NFIA: variants seen among roughly 807,000 people sequenced by gnomAD.
NFIA encodes the protein nuclear factor I A, also known as nuclear factor 1 A-type.
Under a neutral mutation model 62.8 loss-of-function variants are expected in NFIA, and 8 were observed. The ratio of observed to expected loss-of-function variants is 0.13; its 90% confidence interval spans 0.07 to 0.23. The LOEUF (loss-of-function observed/expected upper bound fraction) is 0.23. NFIA is among the 10% of genes least tolerant of loss of function. The probability of loss-of-function intolerance (pLI) is 1.00; values close to 1 mark genes in which losing one functional copy is unlikely to be tolerated. For synonymous variants in NFIA, 235 were observed against 238.1 expected (o/e 0.99, Z 0.12); for missense variants, 410 against 642.1 (o/e 0.64, Z 3.91).
intron 2 of NFIA, among the ~76,000 whole-genome samples, chr1:61,260,085 G>A (rs578216992): frequency 6.6e-6 from 1 of 152,200 alleles, no homozygotes; most frequent in Non-Finnish European, 1.5e-5. Flanking sequence ...TTGAACTAGT[G>A]AATGTGTTCA....
At chr1:61,414,044 G>T (rs375531188) in intron 9 of NFIA, among the ~76,000 whole-genome samples, 3 of 150,778 alleles carry the variant, frequency 2.0e-5, no homozygotes, top group South Asian at 2.1e-4. Context: ...GTGCAGTGGC[G>T]CAATCTCAGC....
intron 2 of NFIA, among the ~76,000 whole-genome samples, chr1:61,158,651 T>C (rs1264663722): frequency 6.6e-6 from 1 of 152,216 alleles, no homozygotes; most frequent in Admixed American, 6.5e-5. Context: ...GGAAAAATCG[T>C]GCATACATGT....
chr1:61,405,470 A>C (rs1665771060), intron 8 of NFIA, among the ~76,000 whole-genome samples: 2 of 152,208 alleles, frequency 1.3e-5, no homozygotes, highest in Admixed American at 1.3e-4. Context: ...TGGGGGAGTG[A>C]GACTGCCTCT....
At chr1:61,120,087 A>G (rs528235553) in intron 2 of NFIA, among the ~76,000 whole-genome samples, 3 of 152,226 alleles carry the variant, frequency 2.0e-5, no homozygotes, top group Admixed American at 6.5e-5. Flanking sequence ...CTTGAATTTT[A>G]TGGTTTCTGT....
intron 2 of NFIA, among the ~76,000 whole-genome samples, chr1:61,247,554 G>A (rs1326344115): frequency 6.6e-6 from 1 of 152,118 alleles, no homozygotes; most frequent in Non-Finnish European, 1.5e-5. Flanking sequence ...CGGTCCATTG[G>A]GGGTGTGCTG....
chr1:61,141,689 A>G (rs909303602), intron 2 of NFIA, among the ~76,000 whole-genome samples: 2 of 152,142 alleles, frequency 1.3e-5, no homozygotes, highest in African/African-American at 4.8e-5. Flanking sequence ...ATGACCCTAA[A>G]TCCCTTCTAT....
chr1:61,382,218 G>A (rs1354633217), intron 6 of NFIA, among the ~76,000 whole-genome samples: 1 of 152,014 alleles, frequency 6.6e-6, no homozygotes, highest in African/African-American at 2.4e-5. Flanking sequence ...CAAACTGATA[G>A]ATGCCTCCAG....
intron 2 of NFIA, among the ~76,000 whole-genome samples, chr1:61,161,650 A>C (rs1649216030): frequency 6.6e-6 from 1 of 151,652 alleles, no homozygotes; most frequent in Non-Finnish European, 1.5e-5. Flanking sequence ...CAACGGTTTG[A>C]CTTTATGATG....
intron 9 of NFIA, among the ~76,000 whole-genome samples, chr1:61,419,610 T>A (rs1203559883): frequency 6.6e-6 from 1 of 152,160 alleles, no homozygotes; most frequent in East Asian, 1.9e-4. Context: ...CTTTCTATAC[T>A]TTTTACCCCA....
chr1:61,331,651 T>C (rs1661304618), intron 3 of NFIA, among the ~76,000 whole-genome samples: 2 of 152,210 alleles, frequency 1.3e-5, no homozygotes, highest in Non-Finnish European at 2.9e-5. Flanking sequence ...AACTAGACTC[T>C]ACCTGTGTGA....
intron 2 of NFIA, among the ~76,000 whole-genome samples, chr1:61,101,832 T>C (rs1185340917): frequency 1.3e-5 from 2 of 152,208 alleles, no homozygotes; most frequent in Admixed American, 1.3e-4. Context: ...TAAGGGGTCT[T>C]ATAAGTGTGA....
chr1:61,434,333 T>C lies in NFIA; in HGVS notation c.1512+7777T>C, dbSNP rs552300602. 1.3e-5 allele frequency among the ~76,000 whole-genome samples: 2 copies of C among 152,260 alleles called. 1 individual carries two copies. The highest frequency in any genetic ancestry group is 1.3e-4 in the Admixed American group (2 of 15,288). ...TCGCAGAGATGAGTTACTCATGCAATCTGCTTCCCCTCCCTCCATACTACT... is the reference window on the plus strand; with the variant it reads ...TCGCAGAGATGAGTTACTCATGCAACCTGCTTCCCCTCCCTCCATACTACT... On this transcript the variant is annotated intron_variant, in intron 10 of 10. Coordinates refer to ENST00000403491, the MANE Select transcript of NFIA (RefSeq NM_001134673.4).
chr1:61,341,060 CTTTT>C lies in NFIA; in HGVS notation c.700+8492_700+8495del, dbSNP rs35203949. 1.2e-3 allele frequency among the ~76,000 whole-genome samples: 132 copies of C among 108,786 alleles called. 1 individual carries two copies. Among genetic ancestry groups the C allele is most frequent in the African/African-American group, 4.5e-3 (123 of 27,618 alleles). The allele number at this position is 108,786 out of a possible 152,430, so 71.4% of individuals were successfully genotyped here. The stretch of plus-strand genomic sequence containing the variant: ...CACCTGGGTCATCTGTACCGGCATT[CTTTT>C]TTTTTTTTTTTTTTTTTGAGATGGA... On this transcript the variant is annotated intron_variant, in intron 4 of 10. Transcript: ENST00000403491.
At chr1:61,393,032 A>G (rs1320668946) in intron 7 of NFIA, among the ~76,000 whole-genome samples, 1 of 146,180 alleles carries the variant, frequency 6.8e-6, no homozygotes, top group Non-Finnish European at 1.5e-5. Flanking sequence ...TTTCTTAGAA[A>G]CCCCCTCATT....
intron 2 of NFIA, among the ~76,000 whole-genome samples, chr1:61,265,769 G>A (rs1231032426): frequency 6.6e-6 from 1 of 152,190 alleles, no homozygotes; most frequent in African/African-American, 2.4e-5. Flanking sequence ...TTTTCTGGAA[G>A]ACCCGATGGG....
chr1:61,195,516 T>C (rs1035630697), intron 2 of NFIA, among the ~76,000 whole-genome samples: 7 of 152,198 alleles, frequency 4.6e-5, no homozygotes, highest in Non-Finnish European at 8.8e-5. Flanking sequence ...ATTATCATTT[T>C]CCTTATTTTT....
rs1662678395 is a variant in NFIA, at chr1:61,353,748, A to G, written c.818+1181A>G. On this transcript the variant is annotated intron_variant, in intron 5 of 10. Transcript: ENST00000403491. ...AGTTAAAGAAACAGGTATTCCCTTA[A>G]TATAACTATCAAATCCTACCATCAT... 3.3e-5 allele frequency among the ~76,000 whole-genome samples: 5 copies of G among 152,308 alleles called. No homozygotes were observed. In the South Asian group the frequency reaches 1.0e-3, roughly 32 times the overall value.
At chr1:61,373,301 G>A (rs923202376) in intron 6 of NFIA, among the ~76,000 whole-genome samples, 2 of 152,236 alleles carry the variant, frequency 1.3e-5, no homozygotes, top group East Asian at 1.9e-4. Flanking sequence ...CTGACAACAC[G>A]AAGCCTTAGA....
intron 2 of NFIA, among the ~76,000 whole-genome samples, chr1:61,183,396 T>C (rs74324368): frequency 1.3e-5 from 2 of 152,194 alleles, no homozygotes; most frequent in Non-Finnish European, 2.9e-5. Context: ...GTGGTTTGGC[T>C]CATTCAAGCC....
Sources: allele counts gnomAD v4.1 joint callset (sites outside exome capture counted in the v4.1 genomes callset), GRCh38; gene constraint gnomAD v4.1.1; transcripts MANE v1.5; gene names NCBI Gene and HGNC (gene_info 2026-07-23, HGNC 2026-07-21).